PPP1R9A: variants seen among roughly 807,000 people sequenced by gnomAD.
PPP1R9A encodes neurabin-1.
PPP1R9A carries 59 observed loss-of-function variants against 141.9 expected under a neutral mutation model. The ratio of observed to expected loss-of-function variants is 0.42; its 90% CI spans 0.34 to 0.52. The LOEUF (loss-of-function observed/expected upper bound fraction) is 0.52. Among genes scored for constraint, PPP1R9A ranks in the 20% least tolerant of loss-of-function variants. The probability of loss-of-function intolerance (pLI) is 0.10; values close to 1 mark genes in which losing one functional copy is unlikely to be tolerated. For synonymous variants in PPP1R9A, 500 were observed against 569.7 expected (o/e 0.88, Z 1.74); for missense variants, 1,444 against 1,611.9 (o/e 0.90, Z 1.78).
intron 2 of PPP1R9A, among the ~76,000 whole-genome samples, chr7:94,929,957 C>A (rs1793952530): frequency 6.6e-6 from 1 of 152,126 alleles, no homozygotes. Flanking sequence ...TGTATTTTTC[C>A]TACTCTCCCC....
intron 2 of PPP1R9A, among the ~76,000 whole-genome samples, chr7:94,983,181 T>C (rs1800344762): frequency 6.6e-6 from 1 of 152,204 alleles, no homozygotes; most frequent in Admixed American, 6.5e-5. Context: ...TCTGTTCTAT[T>C]GGTCTATATC....
chr7:95,032,541 C>T (rs1375828420), intron 2 of PPP1R9A, among the ~76,000 whole-genome samples: 1 of 152,070 alleles, frequency 6.6e-6, no homozygotes, highest in East Asian at 1.9e-4. Flanking sequence ...GACCAATGCC[C>T]CCACTTCCCT....
intron 14 of PPP1R9A, among the ~76,000 whole-genome samples, chr7:95,270,309 A>C (rs1272043446): frequency 2.0e-5 from 3 of 152,190 alleles, no homozygotes; most frequent in Non-Finnish European, 4.4e-5. Context: ...ATTTTTAAAA[A>C]GTGTTATACC....
chr7:95,247,327 G>A, intron 8 of PPP1R9A, 146 bp from the exon 9 acceptor site: 2 of 579,024 alleles, frequency 3.5e-6, no homozygotes, highest in South Asian at 2.4e-5. Flanking sequence ...ATTTCACACA[G>A]TAGACACTTT....
At chr7:95,193,895 C>T (rs1835867882) in intron 5 of PPP1R9A, among the ~76,000 whole-genome samples, 1 of 151,940 alleles carries the variant, frequency 6.6e-6, no homozygotes, top group African/African-American at 2.4e-5. Flanking sequence ...AACTTTATTC[C>T]TATTAGAAAA....
At chr7:95,266,384 A>G (rs575304391) in intron 12 of PPP1R9A, among the ~76,000 whole-genome samples, 2 of 152,132 alleles carry the variant, frequency 1.3e-5, no homozygotes, top group African/African-American at 4.8e-5. Flanking sequence ...AATATTTTAG[A>G]TGGAGCCTAT....
chr7:95,279,761 A>G lies in PPP1R9A; in HGVS notation c.3297-4257A>G, dbSNP rs189234342. ...TTTAGATCATTAAAATGAGTTTAAC[A>G]TTTTAAGGTAGAATCAGTGGACACA... is the stretch of plus-strand genomic sequence containing the variant. On this transcript the variant is annotated intron_variant, in intron 16 of 19. Coordinates refer to ENST00000433360, the MANE Select transcript of PPP1R9A (RefSeq NM_001166160.2). 2.5e-3 allele frequency among the ~76,000 whole-genome samples: 384 copies of G among 152,356 alleles called. 1 individual carries two copies. Among genetic ancestry groups the G allele is most frequent in the African/African-American group, 8.8e-3 (367 of 41,586 alleles).
intron 16 of PPP1R9A, among the ~76,000 whole-genome samples, chr7:95,283,314 TATCTC>T (rs1430860885): frequency 6.6e-6 from 1 of 152,236 alleles, no homozygotes; most frequent in Non-Finnish European, 1.5e-5. Context: ...CACTTTCACA[TATCTC>T]ATTTAATTCT....
At chr7:95,109,938 C>G (rs1394994167) in intron 2 of PPP1R9A, among the ~76,000 whole-genome samples, 1 of 151,914 alleles carries the variant, frequency 6.6e-6, no homozygotes, top group Non-Finnish European at 1.5e-5. Context: ...AGCACTAACC[C>G]TATACTATGG....
chr7:95,022,381 A>G (rs536640703), intron 2 of PPP1R9A, among the ~76,000 whole-genome samples: 1 of 152,252 alleles, frequency 6.6e-6, no homozygotes, highest in African/African-American at 2.4e-5. Flanking sequence ...GGCTGAGATG[A>G]TGGAGTTTGT....
intron 2 of PPP1R9A, among the ~76,000 whole-genome samples, chr7:95,057,728 G>A (rs571312705): frequency 6.6e-6 from 1 of 151,992 alleles, no homozygotes; most frequent in African/African-American, 2.4e-5. Flanking sequence ...CACTTACCCA[G>A]CTTTCTGCTT....
intron 8 of PPP1R9A, among the ~76,000 whole-genome samples, chr7:95,247,207 A>C (rs2152998308): frequency 6.6e-6 from 1 of 152,334 alleles, no homozygotes; most frequent in East Asian, 1.9e-4. Flanking sequence ...CAAAGAGGGC[A>C]ATAAAAAGTG....
At chr7:94,961,413 T>TA (rs137947911) in intron 2 of PPP1R9A, among the ~76,000 whole-genome samples, 11,002 of 151,056 alleles carry the variant, frequency 0.073, 540 homozygotes, top group African/African-American at 0.14. Context: ...AATAAGTAAA[T>TA]AAAAAAAACT....
At chr7:95,199,757 T>C (rs187007656) in intron 6 of PPP1R9A, among the ~76,000 whole-genome samples, 1 of 152,346 alleles carries the variant, frequency 6.6e-6, no homozygotes, top group East Asian at 1.9e-4. Flanking sequence ...AAAAATGTTC[T>C]CTTGAATTTT....
intron 2 of PPP1R9A, among the ~76,000 whole-genome samples, chr7:94,984,750 C>G (rs1373188885): frequency 6.6e-6 from 1 of 152,054 alleles, no homozygotes; most frequent in Non-Finnish European, 1.5e-5. Flanking sequence ...TGGTAGTGGT[C>G]TATCAATTTT....
chr7:95,119,850 T>A (rs1248624483), intron 3 of PPP1R9A, among the ~76,000 whole-genome samples: 2 of 151,900 alleles, frequency 1.3e-5, no homozygotes, highest in Admixed American at 1.3e-4. Flanking sequence ...TATATACATA[T>A]ATATACATTC....
At chr7:95,181,337 T>C (rs1446532541) in intron 5 of PPP1R9A, among the ~76,000 whole-genome samples, 1 of 139,740 alleles carries the variant, frequency 7.2e-6, no homozygotes, top group Non-Finnish European at 1.5e-5. Context: ...ATAGAATATA[T>C]AGAATATATA....
chr7:95,093,729 G>C (rs11972383), intron 2 of PPP1R9A, among the ~76,000 whole-genome samples: 4,102 of 152,094 alleles, frequency 0.027, 182 homozygotes, highest in African/African-American at 0.094. Flanking sequence ...GGTAATACTT[G>C]ATTCCTGACA....
intron 7 of PPP1R9A, among the ~76,000 whole-genome samples, chr7:95,217,617 G>A (rs1038763648): frequency 2.0e-5 from 3 of 152,102 alleles, no homozygotes; most frequent in Admixed American, 6.6e-5. Flanking sequence ...TTTTTGGTTG[G>A]TAGGCTCTTA....
Sources: gnomAD v4.1 joint callset for allele counts (sites outside exome capture counted in the v4.1 genomes callset) on GRCh38, gnomAD v4.1.1 for gene constraint, MANE v1.5 for transcripts, NCBI Gene and HGNC (gene_info 2026-07-23, HGNC 2026-07-21) for gene names.